Variants in PROM1 observed in about 807,000 individuals in gnomAD.
PROM1 encodes the protein prominin 1.
Under a neutral mutation model 116.9 loss-of-function variants are expected in PROM1, and 105 were observed. That is an observed-to-expected ratio of 0.90 (90% CI 0.77 to 1.06). PROM1 has a LOEUF of 1.06. PROM1 is among the 50% of genes least tolerant of loss of function. The pLI is 0.00. For missense variants in PROM1, 1,122 were observed against 1,045.2 expected (o/e 1.07, Z -1.01); for synonymous variants, 393 against 387.0 (o/e 1.02, Z -0.18).
intron 19 of PROM1, among the ~76,000 whole-genome samples, chr4:15,988,234 A>T (rs1385073983): frequency 6.6e-6 from 1 of 152,204 alleles, no homozygotes; most frequent in Non-Finnish European, 1.5e-5. Context: ...CATTGGATAC[A>T]TATCCTAAAG....
intron 26 of PROM1, among the ~76,000 whole-genome samples, chr4:15,974,047 C>G (rs1018457117): frequency 1.3e-5 from 2 of 152,096 alleles, no homozygotes; most frequent in African/African-American, 4.8e-5. Flanking sequence ...TCTCTCATCT[C>G]AGAGCTAGAA....
chr4:15,986,405 C>T (rs1011025038), intron 20 of PROM1, among the ~76,000 whole-genome samples: 3 of 151,944 alleles, frequency 2.0e-5, no homozygotes, highest in Non-Finnish European at 4.4e-5. Context: ...GGATTTGCAC[C>T]GAACTTTTTT....
In PROM1 at chr4:16,010,680, T is replaced by G. The variant is rs114326775; in HGVS notation, c.1142-1572A>C. ...ACCATGTTCAGCTAATTTTTTATGA[T>G]TTTACTTTTTGTAGAGATGGGAAGA... On this transcript the variant is annotated intron_variant, in intron 11 of 27. Transcript: ENST00000447510. Among the ~76,000 whole-genome samples the G allele has an allele frequency of 7.4e-3, 1,126 of 152,036 alleles. 10 individuals carry two copies. Among genetic ancestry groups the G allele is most frequent in the African/African-American group, 0.026 (1,068 of 41,476 alleles).
At chr4:16,066,481 A>C (rs1251968835) in intron 2 of PROM1, among the ~76,000 whole-genome samples, 2 of 152,220 alleles carry the variant, frequency 1.3e-5, no homozygotes, top group African/African-American at 2.4e-5. Flanking sequence ...TGTGCAATGC[A>C]GAGCTAGTGG....
chr4:15,995,436 A>AGAAGATTTAAG (rs1179208522), intron 15 of PROM1, among the ~76,000 whole-genome samples: 1 of 152,150 alleles, frequency 6.6e-6, no homozygotes, highest in African/African-American at 2.4e-5. Flanking sequence ...AGGAAGAAGA[A>AGAAGATTTAAG]GAAGATTTAA....
At chr4:15,987,602 G>T in intron 20 of PROM1, 61 bp downstream of exon 20, 1 of 1,492,504 alleles carries the variant, frequency 6.7e-7, no homozygotes, top group Admixed American at 1.9e-5. Flanking sequence ...CACATTTCTA[G>T]CATTCTTTGT....
At chr4:16,062,882 G>C (rs552975675) in intron 2 of PROM1, among the ~76,000 whole-genome samples, 2 of 152,234 alleles carry the variant, frequency 1.3e-5, no homozygotes, top group South Asian at 4.2e-4. Context: ...TAAGTAAAAA[G>C]TTTAAGTTAC....
chr4:15,998,293 T>C, intron 15 of PROM1, 92 bp downstream of exon 15: 1 of 1,437,088 alleles, frequency 7.0e-7, no homozygotes, highest in South Asian at 1.5e-5. Flanking sequence ...GAAAGTCATA[T>C]AATTAAGATT....
chr4:16,033,264 G>T, intron 5 of PROM1, 40 bp downstream of exon 5: 2 of 1,530,506 alleles, frequency 1.3e-6, no homozygotes, highest in South Asian at 1.2e-5. Flanking sequence ...CTCTTCATCA[G>T]CCTAAAACAC....
intron 2 of PROM1, among the ~76,000 whole-genome samples, chr4:16,069,125 C>T (rs1445061417): frequency 6.6e-6 from 1 of 152,118 alleles, no homozygotes; most frequent in African/African-American, 2.4e-5. Flanking sequence ...ATCCCAGCTA[C>T]GCGGGAGGCT....
chr4:16,039,022 T>G, intron 2 of PROM1, 21 bp from the exon 3 acceptor site: 1 of 1,467,904 alleles, frequency 6.8e-7, no homozygotes, highest in Non-Finnish European at 9.0e-7. Context: ...AGCCACAAAA[T>G]AGCAATATTA....
intron 2 of PROM1, among the ~76,000 whole-genome samples, chr4:16,043,950 A>G (rs1013827021): frequency 1.3e-5 from 2 of 152,034 alleles, no homozygotes; most frequent in Non-Finnish European, 2.9e-5. Context: ...TCCCTCTCAC[A>G]CACCCCCCAG....
At chr4:16,013,213 G>A (rs1727363313) in intron 11 of PROM1, 62 bp downstream of exon 11, 3 of 1,307,452 alleles carry the variant, frequency 2.3e-6, no homozygotes, top group Middle Eastern at 1.8e-4. Context: ...TGCAATACTT[G>A]GCAACACATT....
At chr4:16,077,355 T>C (rs1345702128) in intron 1 of PROM1, among the ~76,000 whole-genome samples, 1 of 152,198 alleles carries the variant, frequency 6.6e-6, no homozygotes, top group African/African-American at 2.4e-5. Context: ...TTGTCTATGA[T>C]GCAGAAACCT....
intron 2 of PROM1, among the ~76,000 whole-genome samples, chr4:16,046,894 C>A (rs1045557627): frequency 2.0e-5 from 3 of 152,208 alleles, no homozygotes; most frequent in Non-Finnish European, 4.4e-5. Context: ...GAGGGCTAGG[C>A]CCTCATCCAA....
At chr4:16,017,065 T>G (rs1345214715) in intron 9 of PROM1, among the ~76,000 whole-genome samples, 4 of 152,208 alleles carry the variant, frequency 2.6e-5, no homozygotes, top group African/African-American at 4.8e-5. Context: ...ATATAATGAT[T>G]ATGTAAAGTT....
chr4:16,081,818 G>T (rs1003939372), intron 1 of PROM1, among the ~76,000 whole-genome samples: 2 of 151,796 alleles, frequency 1.3e-5, no homozygotes, highest in Non-Finnish European at 2.9e-5. Flanking sequence ...AAACTGTCTC[G>T]TATAAAAATC....
intron 2 of PROM1, among the ~76,000 whole-genome samples, chr4:16,053,024 T>G (rs1198502311): frequency 6.6e-6 from 1 of 152,186 alleles, no homozygotes; most frequent in African/African-American, 2.4e-5. Context: ...ATAAAAAAAT[T>G]AATGTAAATA....
intron 11 of PROM1, 135 bp from the exon 12 acceptor site, chr4:16,009,243 T>C: frequency 1.4e-6 from 1 of 716,372 alleles, no homozygotes. Flanking sequence ...TATGGTAAGA[T>C]TCTTCAACAA....
Sources: allele counts gnomAD v4.1 joint callset (sites outside exome capture counted in the v4.1 genomes callset), GRCh38; gene constraint gnomAD v4.1.1; transcripts MANE v1.5; gene names NCBI Gene and HGNC (gene_info 2026-07-23, HGNC 2026-07-21).